The following RBM26 variants were observed in gnomAD, a reference collection of about 807,000 sequenced individuals.
The protein encoded by RBM26 is RNA binding motif protein 26, also known as RNA-binding protein 26.
Under a neutral mutation model 123.6 loss-of-function variants are expected in RBM26, and 30 were observed. That is an observed-to-expected ratio of 0.24 (90% CI 0.18 to 0.33). The LOEUF (loss-of-function observed/expected upper bound fraction) is 0.33. Among genes scored for constraint, RBM26 ranks in the 10% least tolerant of loss-of-function variants. The pLI is 1.00. For missense variants in RBM26, 947 were observed against 1,203.6 expected (o/e 0.79, Z 3.15); for synonymous variants, 400 against 404.4 (o/e 0.99, Z 0.13).
chr13:79,357,966 T>G lies in RBM26; in HGVS notation c.1689+308A>C, dbSNP rs1016993466. Among the ~76,000 whole-genome samples, 3 of 151,446 alleles carry G rather than the reference T, an allele frequency of 2.0e-5. No individual in the cohort carries two copies. The East Asian group carries it at 5.8e-4, about 29-fold the overall frequency. ...GGCGCAATCTCGGCTCGCTGCAACC[T>G]TAGCCTCCCAGATTCAAGCAATTCT... On this transcript the variant is annotated intron_variant, in intron 11 of 21. Transcript: ENST00000438737.
At chr13:79,365,822 T>C (rs1181988572) in intron 8 of RBM26, 104 bp from the exon 9 acceptor site, 9 of 1,028,188 alleles carry the variant, frequency 8.8e-6, no homozygotes, top group Non-Finnish European at 8.5e-6. Flanking sequence ...TATTAACATA[T>C]AACATGCTCT....
chr13:79,335,626 A>C (rs1374515158), intron 19 of RBM26, among the ~76,000 whole-genome samples: 1 of 152,142 alleles, frequency 6.6e-6, no homozygotes, highest in Non-Finnish European at 1.5e-5. Context: ...CTGTGCTCAT[A>C]CTTAAGACTA....
At chr13:79,316,035 G>A (rs1456710266), downstream of RBM26, among the ~76,000 whole-genome samples, 2 of 151,716 alleles carry the variant, frequency 1.3e-5, no homozygotes, top group East Asian at 1.9e-4. Flanking sequence ...TTGTACACTA[G>A]AAATTTAATT....
chr13:79,313,233 G>A (rs533993316), exon 5 of RBM26: 4 of 151,782 alleles, frequency 2.6e-5, no homozygotes, highest in South Asian at 2.1e-4. Flanking sequence ...TAATCAACAC[G>A]GGGATTTTAA....
chr13:79,319,975 T>A lies in RBM26; in HGVS notation c.*646A>T. On this transcript the variant is annotated 3_prime_UTR_variant, in exon 22 of 22. Coordinates refer to ENST00000438737, the MANE Select transcript of RBM26 (RefSeq NM_001366735.2). ...TTTTTTTTTTTTTTTTTTTTTGTCA[T>A]TGCTTTTCTCTTTTCTTTCCTTTTT... 4.2e-5 allele frequency: 23 copies of A among 542,146 alleles called. No individual in the cohort carries two copies. The highest frequency in any genetic ancestry group is 5.0e-5 in the Non-Finnish European group (22 of 441,086). 33.6% of individuals were successfully genotyped at this position (542,146 alleles called of 1,614,324 possible). A position where few individuals can be genotyped will look rare whatever the true frequency, so the allele number is the denominator to read the frequency against.
chr13:79,375,921 G>A (rs1298420236), intron 3 of RBM26, among the ~76,000 whole-genome samples: 1 of 151,914 alleles, frequency 6.6e-6, no homozygotes, highest in Non-Finnish European at 1.5e-5. Context: ...CATTTACTGA[G>A]AACCTACCAT....
At chr13:79,399,534 G>A (rs2078887074) in intron 1 of RBM26, among the ~76,000 whole-genome samples, 1 of 152,040 alleles carries the variant, frequency 6.6e-6, no homozygotes, top group African/African-American at 2.4e-5. Flanking sequence ...AGATATAAAT[G>A]GAAAAGATAA....
intron 16 of RBM26, 96 bp downstream of exon 16, chr13:79,344,152 T>A: frequency 2.5e-6 from 2 of 811,968 alleles, no homozygotes; most frequent in Non-Finnish European, 2.2e-6. Flanking sequence ...CCATTACCAA[T>A]TATAGTAAAT....
chr13:79,331,772 C>T (rs1041861404), intron 20 of RBM26, among the ~76,000 whole-genome samples: 3 of 152,150 alleles, frequency 2.0e-5, no homozygotes, highest in African/African-American at 7.2e-5. Flanking sequence ...AGTAACAATT[C>T]AGTGCAGAAA....
In RBM26 at chr13:79,319,163, C is replaced by G. The variant is rs569240546; in HGVS notation, c.*1458G>C. The G allele has an allele frequency of 2.0e-6, 2 of 984,598 alleles. No homozygotes were observed. The highest frequency in any genetic ancestry group is 2.3e-4 in the East Asian group (2 of 8,782). The allele number at this position is 984,598 out of a possible 1,614,324, so 61.0% of individuals were successfully genotyped here. A position where few individuals can be genotyped will look rare whatever the true frequency, so the allele number is the denominator to read the frequency against. ...GGTGTATGGGGAAGAAGAAAAAGAA[C>G]AGCATCCTTAAGTTACTCCACTGGC... On this transcript the variant is annotated 3_prime_UTR_variant, in exon 22 of 22. Transcript: ENST00000438737.
At chr13:79,366,917 AATAT>A in intron 6 of RBM26, 45 bp from the exon 7 acceptor site, 1 of 1,463,056 alleles carries the variant, frequency 6.8e-7, no homozygotes, top group Non-Finnish European at 9.1e-7. Flanking sequence ...AAGCACTGGA[AATAT>A]ATATTTTCTC....
intron 16 of RBM26, 25 bp downstream of exon 16, chr13:79,344,223 G>A (rs780319142): frequency 6.8e-7 from 1 of 1,465,280 alleles, no homozygotes; most frequent in East Asian, 2.3e-5. Context: ...TTGCAATTTG[G>A]CCAAATCTAA....
chr13:79,377,528 C>A lies in RBM26; in HGVS notation c.191-13G>T. ...AATATCTGTGTCTCTAAAAATAAAA[C>A]CAAACACCATAGATTAAAACACATT... On this transcript the variant is annotated splice_polypyrimidine_tract_variant and intron_variant, in intron 2 of 21. Coordinates refer to ENST00000438737, the MANE Select transcript of RBM26 (RefSeq NM_001366735.2). 1.3e-6 allele frequency: 2 copies of A among 1,592,736 alleles called. No homozygotes were observed. Among genetic ancestry groups the A allele is most frequent in the Non-Finnish European group, 1.7e-6 (2 of 1,162,096 alleles).
At chr13:79,342,583 A>G in intron 17 of RBM26, 81 bp downstream of exon 17, 1 of 1,150,880 alleles carries the variant, frequency 8.7e-7, no homozygotes, top group Non-Finnish European at 1.3e-6. Context: ...GATATTACCT[A>G]CAAGAAAAAC....
chr13:79,344,568 AC>A, intron 15 of RBM26, 100 bp downstream of exon 15: 1 of 1,086,162 alleles, frequency 9.2e-7, no homozygotes, highest in Non-Finnish European at 1.3e-6. Flanking sequence ...GCCAACAAAC[AC>A]CCTTGTAGTC....
At chr13:79,333,566 T>G (rs571549867) in intron 20 of RBM26, among the ~76,000 whole-genome samples, 1 of 152,210 alleles carries the variant, frequency 6.6e-6, no homozygotes, top group Admixed American at 6.5e-5. Flanking sequence ...TGCTTTCATT[T>G]GGAAAACTAT....
At chr13:79,354,981 C>G (rs1283795355) in intron 12 of RBM26, among the ~76,000 whole-genome samples, 1 of 152,206 alleles carries the variant, frequency 6.6e-6, no homozygotes, top group Admixed American at 6.5e-5. Context: ...CTGCCACGGA[C>G]TATTCCATAT....
chr13:79,367,574 A>T (rs1412980329), intron 6 of RBM26, among the ~76,000 whole-genome samples: 1 of 151,852 alleles, frequency 6.6e-6, no homozygotes, highest in Admixed American at 6.6e-5. Flanking sequence ...GCCCTCTATT[A>T]GTTCACAGGA....
At chr13:79,334,319 T>C (rs766940698) in intron 20 of RBM26, 25 bp downstream of exon 20, 2 of 1,273,888 alleles carry the variant, frequency 1.6e-6, no homozygotes, top group African/African-American at 3.0e-5. Flanking sequence ...TAAATCTGAA[T>C]TGATAAATTA....
Sources: allele counts gnomAD v4.1 joint callset (sites outside exome capture counted in the v4.1 genomes callset), GRCh38; gene constraint gnomAD v4.1.1; transcripts MANE v1.5; gene names NCBI Gene and HGNC (gene_info 2026-07-23, HGNC 2026-07-21).